CPEB4: variants seen among roughly 807,000 people sequenced by gnomAD.
The protein encoded by CPEB4 is cytoplasmic polyadenylation element-binding protein 4.
CPEB4 carries 12 observed loss-of-function variants against 72.5 expected under a neutral mutation model. That is an observed-to-expected ratio of 0.17 (90% CI 0.11 to 0.27). The LOEUF (loss-of-function observed/expected upper bound fraction) is 0.27. CPEB4 is among the 10% of genes least tolerant of loss of function. The pLI, the probability that CPEB4 is intolerant of heterozygous loss-of-function variation, is 1.00. For synonymous variants in CPEB4, 302 were observed against 326.3 expected, an observed-to-expected ratio of 0.93 and a Z score of 0.80; for missense variants, 614 against 908.5, an observed-to-expected ratio of 0.68 and a Z score of 4.17.
At chr5:173,947,096 C>T (rs1023797237) in intron 5 of CPEB4, among the ~76,000 whole-genome samples, 1 of 152,080 alleles carries the variant, frequency 6.6e-6, no homozygotes, top group African/African-American at 2.4e-5. Flanking sequence ...AGGCATACTC[C>T]TCATCTTTCT....
At chr5:173,912,251 C>T (rs942979900) in intron 2 of CPEB4, among the ~76,000 whole-genome samples, 1 of 152,076 alleles carries the variant, frequency 6.6e-6, no homozygotes, top group African/African-American at 2.4e-5. Flanking sequence ...CCTTTGTTTT[C>T]TCTTCAGAAA....
intron 2 of CPEB4, among the ~76,000 whole-genome samples, chr5:173,919,224 A>T (rs1756990168): frequency 6.6e-6 from 1 of 152,172 alleles, no homozygotes; most frequent in African/African-American, 2.4e-5. Context: ...ACTTTTCTTT[A>T]ATGTTTTGCT....
rs779578422 is a variant in CPEB4 at position 173,890,644 on chromosome 5, G to C, written c.911G>C (p.Gly304Ala). Residue 304 changes from glycine (G) to alanine (A), a missense_variant, in exon 1 of 10, where the codon GGT becomes GCT. Around this residue, in one of 5 missense-constraint regions of CPEB4, gnomAD observed 458 missense variants for 548.6 expected, o/e 0.83. Transcript: ENST00000265085. The part of the protein sequence containing the change: ...TPSSSWSPGG[G>A]GYGGWGGSQG... ...TCCTCTTCCTGGAGCCCGGGCGGTG[G>C]TGGATATGGTGGCTGGGGAGGTTCC... The C allele has an allele frequency of 4.5e-5, 72 of 1,614,032 alleles. No individual in the cohort carries two copies. The South Asian group carries it at 7.8e-4, about 17-fold the overall frequency.
At chr5:173,933,917 A>G (rs1358586505) in intron 3 of CPEB4, among the ~76,000 whole-genome samples, 1 of 152,170 alleles carries the variant, frequency 6.6e-6, no homozygotes, top group East Asian at 1.9e-4. Flanking sequence ...AGGAAAAAAA[A>G]GCCACCTGTA....
chr5:173,895,976 C>T (rs1364834879), intron 1 of CPEB4, among the ~76,000 whole-genome samples: 1 of 152,220 alleles, frequency 6.6e-6, no homozygotes, highest in East Asian at 1.9e-4. Flanking sequence ...AAAGATGCTA[C>T]TTAGCTCATG....
chr5:173,892,342 C>G (rs1393112533), intron 1 of CPEB4, among the ~76,000 whole-genome samples: 1 of 134,262 alleles, frequency 7.4e-6, no homozygotes, highest in Non-Finnish European at 1.6e-5. Flanking sequence ...TTGTTAAAAC[C>G]AAAGATCAAT....
chr5:173,926,443 T>A (rs964267645), intron 2 of CPEB4, among the ~76,000 whole-genome samples: 1 of 152,240 alleles, frequency 6.6e-6, no homozygotes, highest in Non-Finnish European at 1.5e-5. Flanking sequence ...TTCTTCCAAC[T>A]GGCAAATGCT....
chr5:173,945,922 C>T lies in CPEB4; in HGVS notation c.1456+782C>T, dbSNP rs1758000703. On this transcript the variant is annotated intron_variant, in intron 5 of 9. Transcript: ENST00000265085. ...CCCCAATAAAAATCAAAGTAGCAGA[C>T]CTTATAGCATATTTTTGGTTGCTTT... Among the ~76,000 whole-genome samples, 4 of 152,116 alleles carry T rather than the reference C, an allele frequency of 2.6e-5. No homozygotes were observed. The South Asian group carries it at 8.3e-4, about 31-fold the overall frequency.
chr5:173,947,302 T>C (rs1218819464), intron 5 of CPEB4, among the ~76,000 whole-genome samples: 1 of 152,116 alleles, frequency 6.6e-6, no homozygotes, highest in Non-Finnish European at 1.5e-5. Flanking sequence ...CATTCATCCC[T>C]TTTTCCTCTC....
At chr5:173,932,412 A>G (rs201491896) in intron 2 of CPEB4, 38 bp from the exon 3 acceptor site, 79 of 1,570,272 alleles carry the variant, frequency 5.0e-5, no homozygotes, top group Non-Finnish European at 6.9e-5. Context: ...CCATCTATGA[A>G]AAAAGTAAAC....
intron 7 of CPEB4, among the ~76,000 whole-genome samples, chr5:173,951,171 G>A (rs1758203612): frequency 6.6e-6 from 1 of 152,114 alleles, no homozygotes; most frequent in Admixed American, 6.5e-5. Context: ...GACTCTGTTG[G>A]TGTGCATATT....
rs1224466764 is a variant in CPEB4, at chr5:173,955,862, T to G, written c.1963-48T>G. On this transcript the variant is annotated intron_variant, in intron 9 of 9. Coordinates refer to ENST00000265085, the MANE Select transcript of CPEB4 (RefSeq NM_030627.4). The surrounding 1 kb of genome is among the most constrained non-coding windows in gnomAD (Gnocchi z 4.7). ...TGGAAATGTACATGTATGGTAAGCA[T>G]TGCTGGCCTAGTCACTGAAAAATGT... 4.1e-6 allele frequency: 6 copies of G among 1,470,376 alleles called. No homozygotes were observed. The South Asian group carries it at 7.3e-5, about 18-fold the overall frequency. The allele number at this position is 1,470,376 out of a possible 1,614,324, so 91.1% of individuals were successfully genotyped here.
intron 9 of CPEB4, among the ~76,000 whole-genome samples, chr5:173,954,945 AT>A (rs1758331844): frequency 1.3e-5 from 2 of 151,184 alleles, no homozygotes; most frequent in South Asian, 4.2e-4. Flanking sequence ...TAGTTAAAAA[AT>A]TTTTTTTAGA....
intron 1 of CPEB4, among the ~76,000 whole-genome samples, chr5:173,893,424 T>C (rs359469): frequency 1 from 152,203 of 152,236 alleles, 76,085 homozygotes; most frequent in Non-Finnish European, 1. Flanking sequence ...TGGGACCAAC[T>C]TGGGCAACAT....
At chr5:173,941,037 A>G (rs1237049134) in intron 3 of CPEB4, among the ~76,000 whole-genome samples, 1 of 152,218 alleles carries the variant, frequency 6.6e-6, no homozygotes, top group African/African-American at 2.4e-5. Flanking sequence ...TATTTTTGAT[A>G]TAATGGAAGC....
At chr5:173,945,289 T>G in intron 5 of CPEB4, 149 bp downstream of exon 5, 1 of 648,536 alleles carries the variant, frequency 1.5e-6, no homozygotes, top group South Asian at 2.4e-5. Flanking sequence ...TCATGGCATA[T>G]AAGATTAATT....
chr5:173,889,922 T>A lies in CPEB4; in HGVS notation c.189T>A (p.Pro63=). Residue 63 remains proline, a synonymous_variant, in exon 1 of 10, where the codon CCT becomes CCA. Coordinates refer to ENST00000265085, the MANE Select transcript of CPEB4 (RefSeq NM_030627.4). ...GSSAGSAWLF[P]APATHNIQDE... Reference sequence around the variant, plus strand: ...GTGCTGGGTCAGCTTGGCTTTTTCCTGCTCCAGCTACCCATAACATTCAGG... The same window carrying A: ...GTGCTGGGTCAGCTTGGCTTTTTCCAGCTCCAGCTACCCATAACATTCAGG... The A allele has an allele frequency of 1.9e-6, 3 of 1,614,202 alleles. No individual in the cohort carries two copies. Among genetic ancestry groups the A allele is most frequent in the Non-Finnish European group, 2.5e-6 (3 of 1,180,022 alleles).
At position 173,956,503 on chromosome 5, in the gene CPEB4, A is replaced by G. The variant is rs1388158226; in HGVS notation, c.*366A>G. On this transcript the variant is annotated 3_prime_UTR_variant, in exon 10 of 10. Coordinates refer to ENST00000265085, the MANE Select transcript of CPEB4 (RefSeq NM_030627.4). The stretch of plus-strand genomic sequence containing the variant: ...TTAATTAAATTATTGTTAATAATAT[A>G]ACATATAAGAATACTTTTATTAAAA... 6.0e-6 allele frequency: 1 copy of G among 167,526 alleles called. No homozygotes were observed. Among genetic ancestry groups the G allele is most frequent in the Non-Finnish European group, 1.3e-5 (1 of 78,274 alleles). 10.4% of individuals were successfully genotyped at this position (167,526 alleles called of 1,614,324 possible).
intron 2 of CPEB4, among the ~76,000 whole-genome samples, chr5:173,930,542 A>G (rs1757408771): frequency 6.6e-6 from 1 of 152,246 alleles, no homozygotes; most frequent in Non-Finnish European, 1.5e-5. Flanking sequence ...ACCAATTTTT[A>G]GGAAGAAATT....
Sources: gnomAD v4.1 joint callset for allele counts (sites outside exome capture counted in the v4.1 genomes callset) on GRCh38, gnomAD v4.1.1 for gene constraint, gnomAD v4.1.1 regional missense constraint, Gnocchi (gnomAD v3.1) non-coding constraint, MANE v1.5 for transcripts, NCBI Gene and HGNC (gene_info 2026-07-23, HGNC 2026-07-21) for gene names.